Variants in CSMD1 observed in about 807,000 individuals in gnomAD.
CSMD1 encodes CUB and Sushi multiple domains 1.
In CSMD1, 213 loss-of-function variants were observed where a neutral mutation model predicts 417.5. That is an observed-to-expected ratio of 0.51 (90% confidence interval 0.46 to 0.57). CSMD1 has a LOEUF of 0.57. Among genes scored for constraint, CSMD1 ranks in the 20% least tolerant of loss-of-function variants. The pLI is 0.00. For missense variants in CSMD1, 6,923 were observed against 4,529.7 expected (o/e 1.53, Z -15.17); for synonymous variants, 2,862 against 1,736.8 (o/e 1.65, Z -16.11).
chr8:2,973,663 G>GAA (rs201860391), intron 56 of CSMD1, among the ~76,000 whole-genome samples: 99 of 136,982 alleles, frequency 7.2e-4, no homozygotes, highest in African/African-American at 2.7e-3. Context: ...GGGAATGTGG[G>GAA]GAAAAAAAAA....
intron 10 of CSMD1, among the ~76,000 whole-genome samples, chr8:3,543,049 T>C (rs556479988): frequency 1.3e-5 from 2 of 152,298 alleles, no homozygotes; most frequent in East Asian, 3.9e-4. Flanking sequence ...TCTGTCTCGC[T>C]GGGCTCAGAC....
chr8:4,944,732 C>G (rs1808253471), intron 1 of CSMD1, among the ~76,000 whole-genome samples: 6 of 151,936 alleles, frequency 3.9e-5, no homozygotes, highest in Admixed American at 2.6e-4. Flanking sequence ...AGAAATAAAT[C>G]AATAAAAACA....
At chr8:4,957,259 G>A (rs4360313) in intron 1 of CSMD1, among the ~76,000 whole-genome samples, 1 of 152,088 alleles carries the variant, frequency 6.6e-6, no homozygotes. Flanking sequence ...AGGAATCCTG[G>A]AGTCAGGCTT....
rs928115118 is a variant in CSMD1, at chr8:4,416,260, G to C, written c.415+3693C>G. Among the ~76,000 whole-genome samples, 2 of 151,988 alleles carry C rather than the reference G, an allele frequency of 1.3e-5. 1 individual carries two copies. Among genetic ancestry groups the C allele is most frequent in the South Asian group, 4.1e-4 (2 of 4,826 alleles). On this transcript the variant is annotated intron_variant, in intron 3 of 69. Transcript: ENST00000635120. ...ATTATGTACAAAACTTCTATTTTCCGAAAGCTACTGGATCATAAAGAATAC... is the reference window on the plus strand; with the variant it reads ...ATTATGTACAAAACTTCTATTTTCCCAAAGCTACTGGATCATAAAGAATAC...
At chr8:3,239,682 C>A (rs7005306) in intron 26 of CSMD1, among the ~76,000 whole-genome samples, 1 of 152,106 alleles carries the variant, frequency 6.6e-6, no homozygotes, top group East Asian at 1.9e-4. Context: ...TTCTAAGAGG[C>A]GGGCTAGTGG....
At chr8:3,605,267 G>C (rs1032615879) in intron 8 of CSMD1, among the ~76,000 whole-genome samples, 2 of 152,176 alleles carry the variant, frequency 1.3e-5, no homozygotes, top group Admixed American at 1.3e-4. Context: ...TGGGTTTACA[G>C]GCGTGCGCCA....
chr8:4,395,879 G>T (rs1398738798), intron 3 of CSMD1, among the ~76,000 whole-genome samples: 1 of 152,224 alleles, frequency 6.6e-6, no homozygotes, highest in East Asian at 1.9e-4. Context: ...TAATTCGGTA[G>T]TGTATCTAGA....
intron 35 of CSMD1, 24 bp downstream of exon 35, chr8:3,188,863 A>C: frequency 6.5e-7 from 1 of 1,541,866 alleles, no homozygotes; most frequent in South Asian, 1.2e-5. Flanking sequence ...GCCCTGTTGT[A>C]GACTGTGGAC....
intron 3 of CSMD1, among the ~76,000 whole-genome samples, chr8:4,337,076 C>G (rs1224936414): frequency 1.3e-5 from 2 of 152,058 alleles, no homozygotes; most frequent in East Asian, 3.9e-4. Context: ...GTTTCACTGT[C>G]CCAGAGGGTT....
At chr8:3,829,457 G>A (rs1282289504) in intron 5 of CSMD1, among the ~76,000 whole-genome samples, 2 of 152,118 alleles carry the variant, frequency 1.3e-5, no homozygotes, top group African/African-American at 4.8e-5. Context: ...CAGGTTATCT[G>A]CAGAGCCCTT....
chr8:3,892,827 G>A (rs1164578688), intron 5 of CSMD1, among the ~76,000 whole-genome samples: 1 of 149,386 alleles, frequency 6.7e-6, no homozygotes. Context: ...TGACGCCCAA[G>A]TGCAGGTTCT....
At chr8:4,826,680 C>T (rs1351020596) in intron 1 of CSMD1, among the ~76,000 whole-genome samples, 3 of 152,120 alleles carry the variant, frequency 2.0e-5, no homozygotes, top group African/African-American at 7.2e-5. Context: ...CCTTCCCACT[C>T]ATTCTAAGCT....
At chr8:4,443,837 C>G (rs1040667340) in intron 2 of CSMD1, among the ~76,000 whole-genome samples, 2 of 152,104 alleles carry the variant, frequency 1.3e-5, no homozygotes, top group Non-Finnish European at 2.9e-5. Context: ...GTGTTAGTAA[C>G]GAACTTCTGG....
rs915229162 is a variant in CSMD1, at chr8:4,485,017, A to G, written c.303-64952T>C. Among the ~76,000 whole-genome samples, 38 of 127,480 alleles carry G rather than the reference A, an allele frequency of 3.0e-4. 2 individuals are homozygous for G. In the South Asian group the frequency reaches 7.5e-3, roughly 25 times the overall value. The allele number at this position is 127,480 out of a possible 152,430, so 83.6% of individuals were successfully genotyped here. On this transcript the variant is annotated intron_variant, in intron 2 of 69. Coordinates refer to ENST00000635120, the MANE Select transcript of CSMD1 (RefSeq NM_033225.6). ...AAAAAAAAAAAAAAAAAAAAAAAAA[A>G]AAAGAAAGAGTCACTATGACATATG...
At chr8:4,983,027 C>A (rs1189339892) in intron 1 of CSMD1, among the ~76,000 whole-genome samples, 1 of 152,148 alleles carries the variant, frequency 6.6e-6, no homozygotes, top group African/African-American at 2.4e-5. Context: ...ATCTGCTGAA[C>A]AAGCTCTAAT....
chr8:3,263,861 C>G (rs886654545), intron 26 of CSMD1, among the ~76,000 whole-genome samples: 10 of 152,154 alleles, frequency 6.6e-5, no homozygotes, highest in African/African-American at 2.2e-4. Context: ...CCAAGTATGT[C>G]TCTTCTTTGA....
At chr8:4,076,789 CAG>C (rs760813106) in intron 3 of CSMD1, among the ~76,000 whole-genome samples, 41 of 152,274 alleles carry the variant, frequency 2.7e-4, no homozygotes, top group Admixed American at 3.9e-4. Context: ...ACAACCATAT[CAG>C]AGTATACACC....
At chr8:3,955,880 C>A (rs1023853040) in intron 5 of CSMD1, among the ~76,000 whole-genome samples, 3 of 152,250 alleles carry the variant, frequency 2.0e-5, no homozygotes, top group Admixed American at 2.0e-4. Flanking sequence ...GGTGCAATGG[C>A]ACGATCTCGG....
chr8:4,352,118 G>A (rs951217240), intron 3 of CSMD1, among the ~76,000 whole-genome samples: 6 of 152,198 alleles, frequency 3.9e-5, no homozygotes, highest in African/African-American at 1.4e-4. Context: ...TAGAGAATGA[G>A]GTGGACTGGC....
Sources: allele counts gnomAD v4.1 joint callset (sites outside exome capture counted in the v4.1 genomes callset), GRCh38; gene constraint gnomAD v4.1.1; transcripts MANE v1.5; gene names NCBI Gene and HGNC (gene_info 2026-07-23, HGNC 2026-07-21).